Variants in AFAP1 observed in about 807,000 individuals in gnomAD.
AFAP1 encodes the protein actin filament associated protein 1, also known as actin filament-associated protein 1.
AFAP1 carries 75 observed loss-of-function variants against 93.9 expected under a neutral mutation model. The ratio of observed to expected loss-of-function variants is 0.80; its 90% CI spans 0.66 to 0.97. The LOEUF (loss-of-function observed/expected upper bound fraction) is 0.97. AFAP1 is among the 50% of genes least tolerant of loss of function. The pLI, the probability that AFAP1 is intolerant of heterozygous loss-of-function variation, is 0.00. For missense variants in AFAP1, 1,201 were observed against 1,050.8 expected (o/e 1.14, Z -1.98); for synonymous variants, 517 against 430.7 (o/e 1.20, Z -2.48).
intron 15 of AFAP1, 140 bp downstream of exon 15, chr4:7,774,599 A>G: frequency 6.2e-6 from 8 of 1,284,492 alleles, no homozygotes; most frequent in Admixed American, 2.8e-5. Context: ...CCAAGCCCCA[A>G]GAAACACTGT....
chr4:7,796,592 TA>T (rs1003873454), intron 10 of AFAP1, among the ~76,000 whole-genome samples: 1 of 147,092 alleles, frequency 6.8e-6, no homozygotes, highest in East Asian at 2.0e-4. Flanking sequence ...TACTAAAAAA[TA>T]AAAAAAAATT....
At chr4:7,828,114 A>C (rs1045103658) in intron 6 of AFAP1, among the ~76,000 whole-genome samples, 7 of 152,218 alleles carry the variant, frequency 4.6e-5, no homozygotes, top group Non-Finnish European at 7.3e-5. Context: ...CAATGGATAC[A>C]GTAAACATAT....
At chr4:7,871,350 T>G (rs890314839) in intron 2 of AFAP1, among the ~76,000 whole-genome samples, 1 of 152,152 alleles carries the variant, frequency 6.6e-6, no homozygotes, top group Admixed American at 6.5e-5. Context: ...ACAACACAGT[T>G]GTGCTGAAAC....
intron 1 of AFAP1, among the ~76,000 whole-genome samples, chr4:7,923,404 A>T (rs774428482): frequency 2.0e-5 from 3 of 152,208 alleles, no homozygotes; most frequent in Non-Finnish European, 4.4e-5. Context: ...TTCCAGGACA[A>T]GGACCTCTTC....
chr4:7,935,146 G>GT (rs933346092), intron 1 of AFAP1, among the ~76,000 whole-genome samples: 126 of 151,332 alleles, frequency 8.3e-4, no homozygotes, highest in Non-Finnish European at 1.3e-3. Flanking sequence ...TTCTTAATGG[G>GT]TTTTTTTTTA....
chr4:7,769,383 G>A (rs1380306567), intron 16 of AFAP1, among the ~76,000 whole-genome samples: 1 of 152,224 alleles, frequency 6.6e-6, no homozygotes, highest in African/African-American at 2.4e-5. Flanking sequence ...AGCTTTTCTG[G>A]GGTCAGCGCC....
intron 6 of AFAP1, among the ~76,000 whole-genome samples, chr4:7,820,217 T>C (rs1262686281): frequency 6.6e-6 from 1 of 152,138 alleles, no homozygotes; most frequent in Non-Finnish European, 1.5e-5. Flanking sequence ...GGGAAAGAAC[T>C]GACTCCAAGG....
intron 4 of AFAP1, among the ~76,000 whole-genome samples, chr4:7,845,885 G>T (rs368534617): frequency 6.7e-5 from 4 of 59,340 alleles, no homozygotes; most frequent in Admixed American, 3.4e-4. Context: ...CACAGGGGTG[G>T]GGGGGGCAAG....
At chr4:7,888,912 T>G (rs1339110457) in intron 1 of AFAP1, among the ~76,000 whole-genome samples, 1 of 151,984 alleles carries the variant, frequency 6.6e-6, no homozygotes, top group African/African-American at 2.4e-5. Context: ...AGACTCAGCC[T>G]CCCAAGTAGC....
Position 7,768,789 on chromosome 4 carries a change from G to C in AFAP1, c.2418+55C>G, listed in dbSNP as rs1714979714. On this transcript the variant is annotated intron_variant, in intron 17 of 17. Transcript: ENST00000420658. ...TCCCTACTCACACCCGAGAATGCTG[G>C]GAGCTTAAAGTGCCTGCCCAGGACA... 2.0e-6 allele frequency: 3 copies of C among 1,489,562 alleles called. No individual in the cohort carries two copies. The East Asian group carries it at 7.2e-5, about 36-fold the overall frequency. The allele number at this position is 1,489,562 out of a possible 1,614,324, so 92.3% of individuals were successfully genotyped here.
At chr4:7,885,675 A>AT (rs1261054229) in intron 1 of AFAP1, among the ~76,000 whole-genome samples, 1 of 152,254 alleles carries the variant, frequency 6.6e-6, no homozygotes, top group African/African-American at 2.4e-5. Flanking sequence ...CCAGTTCTCC[A>AT]TAATAGACAA....
At chr4:7,821,123 A>AAT (rs994691503) in intron 6 of AFAP1, among the ~76,000 whole-genome samples, 19 of 152,120 alleles carry the variant, frequency 1.2e-4, no homozygotes, top group African/African-American at 2.2e-4. Context: ...CATCTCCAAA[A>AAT]ATATATATAT....
At chr4:7,819,558 G>A (rs560909012) in intron 6 of AFAP1, among the ~76,000 whole-genome samples, 6 of 152,118 alleles carry the variant, frequency 3.9e-5, no homozygotes, top group Non-Finnish European at 8.8e-5. Context: ...AGACCAGGGG[G>A]CCTTATGCAA....
intron 4 of AFAP1, among the ~76,000 whole-genome samples, chr4:7,847,793 C>CGGCG (rs1553845889): frequency 4.9e-5 from 5 of 102,004 alleles, no homozygotes; most frequent in African/African-American, 1.0e-4. Context: ...CAGGGGTACT[C>CGGCG]GGGGTGGGGC....
Position 7,768,865 on chromosome 4 carries a change from C to A in AFAP1, c.2397G>T (p.Gly799=), listed in dbSNP as rs1321502000. ...TTACCTTGGCCTTCCGCAGCACATG[C>A]CCTCGGCAGGGGGAGCTGCCCGGGG... The part of the protein sequence containing the change: ...QAAPGSSPCR[G]HVLRKAKEWE... Residue 799 remains glycine, a synonymous_variant, in exon 17 of 18, where the codon GGG becomes GGT. Coordinates refer to ENST00000420658, the MANE Select transcript of AFAP1 (RefSeq NM_001134647.2). 5.6e-6 allele frequency: 9 copies of A among 1,605,314 alleles called. No homozygotes were observed. Among genetic ancestry groups the A allele is most frequent in the Non-Finnish European group, 7.7e-6 (9 of 1,173,678 alleles).
At chr4:7,893,862 G>C (rs941502504) in intron 1 of AFAP1, among the ~76,000 whole-genome samples, 1 of 152,188 alleles carries the variant, frequency 6.6e-6, no homozygotes, top group Non-Finnish European at 1.5e-5. Flanking sequence ...CAGGGCGAGG[G>C]TGTTTCCAGT....
At chr4:7,811,372 C>G (rs75866489) in intron 8 of AFAP1, among the ~76,000 whole-genome samples, 1 of 151,324 alleles carries the variant, frequency 6.6e-6, no homozygotes, top group Non-Finnish European at 1.5e-5. Context: ...AGAGGAAGAG[C>G]GGCCAGGGAC....
chr4:7,793,431 G>A (rs1384074936), intron 11 of AFAP1, among the ~76,000 whole-genome samples: 1 of 152,200 alleles, frequency 6.6e-6, no homozygotes, highest in East Asian at 1.9e-4. Flanking sequence ...GAAACGTGTG[G>A]CCCACAAAAC....
intron 1 of AFAP1, among the ~76,000 whole-genome samples, chr4:7,937,913 G>C (rs1488750620): frequency 6.6e-6 from 1 of 152,174 alleles, no homozygotes; most frequent in African/African-American, 2.4e-5. Flanking sequence ...ATGAATACTT[G>C]GATTCATGGT....
Sources: allele counts gnomAD v4.1 joint callset (sites outside exome capture counted in the v4.1 genomes callset), GRCh38; gene constraint gnomAD v4.1.1; transcripts MANE v1.5; gene names NCBI Gene and HGNC (gene_info 2026-07-23, HGNC 2026-07-21).